COLEC11: variants seen among roughly 807,000 people sequenced by gnomAD.
The protein encoded by COLEC11 is collectin-11.
A neutral mutation model predicts 27.3 loss-of-function variants in COLEC11; 20 were observed. That is an observed-to-expected ratio of 0.73 (90% CI 0.51 to 1.06). The LOEUF (loss-of-function observed/expected upper bound fraction) is 1.06, where lower values mean the gene tolerates loss of function less well. COLEC11 is among the 50% of genes least tolerant of loss of function. COLEC11 has a pLI of 0.00. For missense variants in COLEC11, 310 were observed against 383.0 expected, an observed-to-expected ratio of 0.81 and a Z score of 1.59; for synonymous variants, 163 against 154.7, an observed-to-expected ratio of 1.05 and a Z score of -0.40.
chr2:3,615,040 A>G (rs1339531702), intron 3 of COLEC11, among the ~76,000 whole-genome samples: 3 of 152,114 alleles, frequency 2.0e-5, no homozygotes, highest in African/African-American at 7.2e-5. Context: ...ATTTTCATGT[A>G]TTTCAGTTCA....
chr2:3,617,952 A>T (rs1663897503), intron 3 of COLEC11, among the ~76,000 whole-genome samples: 1 of 152,216 alleles, frequency 6.6e-6, no homozygotes, highest in Middle Eastern at 3.2e-3. Flanking sequence ...GATGATGTTG[A>T]CCACCTTTCC....
intron 2 of COLEC11, chr2:3,605,925 T>C: frequency 1.3e-6 from 1 of 771,908 alleles, no homozygotes; most frequent in South Asian, 1.9e-5. Context: ...GGAAACCAAG[T>C]GGACTGTCCT....
chr2:3,617,442 C>G lies in COLEC11; in HGVS notation c.202+4060C>G, dbSNP rs147577412. On this transcript the variant is annotated intron_variant, in intron 3 of 6. Coordinates refer to ENST00000349077, the MANE Select transcript of COLEC11 (RefSeq NM_024027.5). ...GAAAGGGGCAGCACAGTCATTTAAA[C>G]TTGATCCAATCTCTTTGCATCTTAC... 9.9e-6 allele frequency: 12 copies of G among 1,210,276 alleles called. 1 individual carries two copies. Among genetic ancestry groups the G allele is most frequent in the Non-Finnish European group, 1.5e-5 (12 of 815,902 alleles). The allele number at this position is 1,210,276 out of a possible 1,614,324, so 75.0% of individuals were successfully genotyped here.
intron 2 of COLEC11, chr2:3,606,270 G>T (rs1189427536): frequency 4.6e-6 from 7 of 1,534,854 alleles, no homozygotes; most frequent in Middle Eastern, 1.7e-4. Flanking sequence ...GGTGGGGGCC[G>T]TGGGGTGGGC....
chr2:3,614,411 C>T (rs529327340), intron 3 of COLEC11, among the ~76,000 whole-genome samples: 12 of 152,058 alleles, frequency 7.9e-5, no homozygotes, highest in Non-Finnish European at 1.5e-4. Context: ...TAAGCCCATA[C>T]GCTGTTTTTT....
chr2:3,606,306 T>C, intron 2 of COLEC11: 1 of 1,412,436 alleles, frequency 7.1e-7, no homozygotes. Flanking sequence ...GGGCGCCGCC[T>C]TTCCCAGGTG....
At chr2:3,618,523 C>T (rs1007357440) in intron 3 of COLEC11, among the ~76,000 whole-genome samples, 3 of 152,134 alleles carry the variant, frequency 2.0e-5, no homozygotes, top group Non-Finnish European at 4.4e-5. Context: ...GCTCTATTGT[C>T]TATGTGTCTG....
intron 3 of COLEC11, among the ~76,000 whole-genome samples, chr2:3,631,718 CCCCTACTCGGAGGGGA>C (rs1665017265): frequency 6.6e-6 from 1 of 151,058 alleles, no homozygotes; most frequent in African/African-American, 2.5e-5. Flanking sequence ...TCGGAGGGGG[CCCCTACTCGGAGGGGA>C]CTCTGCTCGG....
intron 3 of COLEC11, among the ~76,000 whole-genome samples, chr2:3,622,648 A>T (rs1051342593): frequency 9.9e-5 from 15 of 152,208 alleles, no homozygotes; most frequent in African/African-American, 3.6e-4. Context: ...GTTAGTTATC[A>T]TGAGAGTGGG....
At chr2:3,613,185 AGAGAAGG>A in intron 2 of COLEC11, 119 bp from the exon 3 acceptor site, 1 of 977,566 alleles carries the variant, frequency 1.0e-6, no homozygotes, top group Non-Finnish European at 1.6e-6. Context: ...GGAGGTAGGG[AGAGAAGG>A]GGCTTGGCCA....
At chr2:3,609,316 G>A (rs1324699232) in intron 2 of COLEC11, among the ~76,000 whole-genome samples, 2 of 143,302 alleles carry the variant, frequency 1.4e-5, no homozygotes, top group Middle Eastern at 3.7e-3. Flanking sequence ...GTCTCTTTCC[G>A]TGCCTCCAGT....
intron 1 of COLEC11, among the ~76,000 whole-genome samples, chr2:3,603,197 C>T (rs1572386307): frequency 6.6e-6 from 1 of 152,260 alleles, no homozygotes; most frequent in African/African-American, 2.4e-5. Flanking sequence ...GCTGTCCGCA[C>T]TCTGCCCTTC....
chr2:3,641,355 T>A (rs1243496105), intron 5 of COLEC11: 1 of 1,302,174 alleles, frequency 7.7e-7, no homozygotes, highest in African/African-American at 1.5e-5. Flanking sequence ...CCGAGCAGCA[T>A]CCGCTCAGGG....
At chr2:3,597,206 G>A (rs1348154058) in intron 1 of COLEC11, among the ~76,000 whole-genome samples, 1 of 152,124 alleles carries the variant, frequency 6.6e-6, no homozygotes. Flanking sequence ...ATCCCGGCCT[G>A]GGCTGCTCCG....
intron 3 of COLEC11, among the ~76,000 whole-genome samples, chr2:3,628,303 C>A (rs1664708451): frequency 6.6e-6 from 1 of 152,248 alleles, no homozygotes; most frequent in Non-Finnish European, 1.5e-5. Flanking sequence ...AGGCTTCCGG[C>A]CATGCTGGGC....
At chr2:3,616,223 T>G (rs1644720884) in intron 3 of COLEC11, among the ~76,000 whole-genome samples, 1 of 150,064 alleles carries the variant, frequency 6.7e-6, no homozygotes, top group South Asian at 2.1e-4. Flanking sequence ...GAGACGCTCC[T>G]CACTTCCCAG....
chr2:3,637,617 C>G lies in COLEC11; in HGVS notation c.274+13C>G. On this transcript the variant is annotated intron_variant, in intron 4 of 6. Transcript: ENST00000349077. Reference sequence around the variant, plus strand: ...ATTGGCTCTAAAGGTATTTGCAATGCGATTCTTGCCTCATTTCCCCCCTGC... The same window carrying G: ...ATTGGCTCTAAAGGTATTTGCAATGGGATTCTTGCCTCATTTCCCCCCTGC... 2.5e-6 allele frequency: 4 copies of G among 1,607,862 alleles called. No individual in the cohort carries two copies. The highest frequency in any genetic ancestry group is 3.4e-6 in the Non-Finnish European group (4 of 1,174,286).
intron 3 of COLEC11, among the ~76,000 whole-genome samples, chr2:3,619,264 T>C (rs1664008883): frequency 6.6e-6 from 1 of 152,118 alleles, no homozygotes; most frequent in African/African-American, 2.4e-5. Context: ...CTTTCCTTTT[T>C]TCTTTCTTGC....
intron 3 of COLEC11, among the ~76,000 whole-genome samples, chr2:3,629,981 C>G (rs1327545623): frequency 6.6e-6 from 1 of 152,116 alleles, no homozygotes; most frequent in Admixed American, 6.5e-5. Context: ...TGTATTTATA[C>G]ATAAATGCAT....
Sources: gnomAD v4.1 joint callset for allele counts (sites outside exome capture counted in the v4.1 genomes callset) on GRCh38, gnomAD v4.1.1 for gene constraint, MANE v1.5 for transcripts, NCBI Gene and HGNC (gene_info 2026-07-23, HGNC 2026-07-21) for gene names.